The following NRG1 variants were observed in gnomAD, a reference collection of about 807,000 sequenced individuals.
NRG1 encodes neuregulin 1, also known as pro-neuregulin-1, membrane-bound isoform.
NRG1 carries 18 observed loss-of-function variants against 63.8 expected under a neutral mutation model. The observed-to-expected ratio is 0.28, with a 90% CI of 0.19 to 0.42. The LOEUF (loss-of-function observed/expected upper bound fraction) is 0.42, where lower values mean the gene tolerates loss of function less well. Ranked by LOEUF, NRG1 falls within the 10% of genes least tolerant of loss-of-function variation. NRG1 has a pLI of 1.00. For synonymous variants in NRG1, 302 were observed against 301.3 expected, an observed-to-expected ratio of 1.00 and a Z score of -0.02; for missense variants, 762 against 814.7, an observed-to-expected ratio of 0.94 and a Z score of 0.79.
chr8:32,138,213 A>C (rs916083450), intron 1 of NRG1, among the ~76,000 whole-genome samples: 2 of 152,028 alleles, frequency 1.3e-5, no homozygotes, highest in Admixed American at 1.3e-4. Context: ...TAGTGAGTGG[A>C]TTTAAACATC....
At chr8:32,352,977 C>CAG (rs1453065558) in intron 1 of NRG1, among the ~76,000 whole-genome samples, 1 of 114,462 alleles carries the variant, frequency 8.7e-6, no homozygotes, top group Non-Finnish European at 2.0e-5. Flanking sequence ...GAGAGAGAGA[C>CAG]AGAGAGAGAG....
At chr8:31,664,047 AAG>A (rs1406759333) in intron 1 of NRG1, among the ~76,000 whole-genome samples, 1 of 152,082 alleles carries the variant, frequency 6.6e-6, no homozygotes, top group Non-Finnish European at 1.5e-5. Flanking sequence ...GCTAAGAGAA[AAG>A]AGAGTCAGGG....
At chr8:32,130,632 T>C (rs1834692973) in intron 1 of NRG1, among the ~76,000 whole-genome samples, 1 of 151,906 alleles carries the variant, frequency 6.6e-6, no homozygotes, top group South Asian at 2.1e-4. Context: ...TACTGCGAGC[T>C]AACTGTGCTG....
intron 1 of NRG1, among the ~76,000 whole-genome samples, chr8:32,416,777 T>A (rs972224469): frequency 1.3e-5 from 2 of 151,958 alleles, no homozygotes; most frequent in African/African-American, 2.4e-5. Context: ...AGCCTCAACC[T>A]CCTGGGCTCA....
chr8:32,287,179 T>A (rs1305705643), intron 1 of NRG1: 1 of 152,212 alleles, frequency 6.6e-6, no homozygotes, highest in African/African-American at 2.4e-5. Context: ...TACCCGAGGT[T>A]TGTTTACGTG....
intron 1 of NRG1, among the ~76,000 whole-genome samples, chr8:32,572,672 T>C (rs1304123621): frequency 6.6e-6 from 1 of 152,104 alleles, no homozygotes; most frequent in Non-Finnish European, 1.5e-5. Context: ...ACAGAGGCAT[T>C]TTCCTCTGTT....
At chr8:32,520,365 C>T (rs1588091594) in intron 1 of NRG1, among the ~76,000 whole-genome samples, 1 of 151,336 alleles carries the variant, frequency 6.6e-6, no homozygotes, top group Non-Finnish European at 1.5e-5. Flanking sequence ...TGCCATGTTG[C>T]CCAGGCTGGT....
chr8:32,087,482 CT>C (rs67438409), intron 1 of NRG1, among the ~76,000 whole-genome samples: 3,550 of 90,234 alleles, frequency 0.039, 149 homozygotes, highest in African/African-American at 0.11. Context: ...TCTTTTCTTT[CT>C]TTTTTTTTTT....
chr8:32,691,816 G>A lies in NRG1; in HGVS notation c.503-36133G>A, dbSNP rs139219966. Among the ~76,000 whole-genome samples, 32 of 152,208 alleles carry A rather than the reference G, an allele frequency of 2.1e-4. No individual in the cohort carries two copies. The Middle Eastern group carries it at 0.01, about 49-fold the overall frequency. ...GATTAGGGAGTTGTTACTGAAATAC[G>A]TTAGCAGGATCCTTCTTTTAGCTTT... On this transcript the variant is annotated intron_variant, in intron 5 of 11. Coordinates refer to ENST00000356819, the Ensembl canonical transcript of NRG1.
At chr8:31,883,221 A>G in intron 1 of NRG1, among the ~76,000 whole-genome samples, 1 of 152,172 alleles carries the variant, frequency 6.6e-6, no homozygotes, top group Non-Finnish European at 1.5e-5. Flanking sequence ...ACCAGCAAAA[A>G]GATTATGACT....
At chr8:31,867,128 A>G (rs1336650727) in intron 1 of NRG1, among the ~76,000 whole-genome samples, 1 of 152,136 alleles carries the variant, frequency 6.6e-6, no homozygotes, top group Non-Finnish European at 1.5e-5. Context: ...CAGTACAGAG[A>G]ACATGGTCAC....
intron 1 of NRG1, among the ~76,000 whole-genome samples, chr8:32,240,088 A>G (rs1193548517): frequency 6.6e-6 from 1 of 152,186 alleles, no homozygotes; most frequent in African/African-American, 2.4e-5. Context: ...AGACTCAGTA[A>G]AAACCTGTAC....
At chr8:32,592,388 C>T (rs961919026) in intron 1 of NRG1, among the ~76,000 whole-genome samples, 6 of 152,060 alleles carry the variant, frequency 3.9e-5, no homozygotes, top group Admixed American at 2.6e-4. Flanking sequence ...ATCAGTAGCT[C>T]CACATTAGAT....
At chr8:32,719,121 G>A (rs569789462) in intron 5 of NRG1, among the ~76,000 whole-genome samples, 16 of 152,038 alleles carry the variant, frequency 1.1e-4, no homozygotes, top group East Asian at 5.8e-4. Context: ...CACTGTTAAG[G>A]ATCATTTAGA....
At chr8:32,327,290 T>C (rs1260175618) in intron 1 of NRG1, among the ~76,000 whole-genome samples, 1 of 152,242 alleles carries the variant, frequency 6.6e-6, no homozygotes, top group Non-Finnish European at 1.5e-5. Flanking sequence ...TATGCCCAGA[T>C]GCTGTCGTGA....
At chr8:32,612,294 A>T (rs1434242238) in intron 3 of NRG1, among the ~76,000 whole-genome samples, 1 of 152,100 alleles carries the variant, frequency 6.6e-6, no homozygotes, top group African/African-American at 2.4e-5. Context: ...CAAATCTATA[A>T]ATTCTACCCA....
chr8:31,872,854 T>C (rs1442249698), intron 1 of NRG1, among the ~76,000 whole-genome samples: 1 of 152,226 alleles, frequency 6.6e-6, no homozygotes, highest in African/African-American at 2.4e-5. Context: ...TTCAAATACA[T>C]CCAAGTATTT....
At chr8:32,181,479 A>G (rs1841425491) in intron 1 of NRG1, among the ~76,000 whole-genome samples, 1 of 152,200 alleles carries the variant, frequency 6.6e-6, no homozygotes, top group Non-Finnish European at 1.5e-5. Flanking sequence ...CAGGCACACA[A>G]TAAATACTTG....
intron 3 of NRG1, among the ~76,000 whole-genome samples, chr8:32,610,518 T>G (rs1253922713): frequency 2.6e-5 from 4 of 152,172 alleles, no homozygotes; most frequent in Non-Finnish European, 5.9e-5. Context: ...GATTAGTGAC[T>G]AAATATAAAC....
Sources: allele counts gnomAD v4.1 joint callset (sites outside exome capture counted in the v4.1 genomes callset), GRCh38; gene constraint gnomAD v4.1.1; transcripts MANE v1.5; gene names NCBI Gene and HGNC (gene_info 2026-07-23, HGNC 2026-07-21).